Variants in EPC2 observed in about 807,000 individuals in gnomAD.
The protein encoded by EPC2 is enhancer of polycomb homolog 2.
Under a neutral mutation model 92.1 loss-of-function variants are expected in EPC2, and 14 were observed. That is an observed-to-expected ratio of 0.15 (90% confidence interval 0.10 to 0.24). The LOEUF is 0.24. EPC2 is among the 10% of genes least tolerant of loss of function. The probability of loss-of-function intolerance (pLI) is 1.00; values close to 1 mark genes in which losing one functional copy is unlikely to be tolerated. For synonymous variants in EPC2, 340 were observed against 334.7 expected (o/e 1.02, Z -0.17); for missense variants, 755 against 971.5 (o/e 0.78, Z 2.96).
intron 2 of EPC2, among the ~76,000 whole-genome samples, chr2:148,731,357 C>T (rs1682623984): frequency 6.6e-6 from 1 of 152,126 alleles, no homozygotes; most frequent in Non-Finnish European, 1.5e-5. Context: ...TAGTTGCCTG[C>T]TATCAAGAGG....
At chr2:148,683,202 C>G (rs977277281) in intron 1 of EPC2, among the ~76,000 whole-genome samples, 3 of 151,804 alleles carry the variant, frequency 2.0e-5, no homozygotes, top group African/African-American at 7.3e-5. Flanking sequence ...TACACTGTAC[C>G]CAGTGTCTAG....
rs71411354 is a variant in EPC2, at chr2:148,656,024, TG to T, written c.153+10868del. ...AGCTGTGTGTGTGTGTGTGTGTGTG[TG>T]GGGGGGGGGGGGGTTATTCTAGAAA... is the stretch of plus-strand genomic sequence containing the variant. On this transcript the variant is annotated intron_variant, in intron 1 of 13. Coordinates refer to ENST00000258484, the MANE Select transcript of EPC2 (RefSeq NM_015630.4). Among the ~76,000 whole-genome samples the T allele has an allele frequency of 2.8e-3, 314 of 111,708 alleles. 3 individuals are homozygous for T. The highest frequency in any genetic ancestry group is 0.011 in the African/African-American group (266 of 24,828). 73.3% of individuals were successfully genotyped at this position (111,708 alleles called of 152,430 possible). A position where few individuals can be genotyped will look rare whatever the true frequency, so the allele number is the denominator to read the frequency against.
rs769508718 is a variant in EPC2, at chr2:148,771,031, T to C, written c.1377-13T>C. On this transcript the variant is annotated splice_polypyrimidine_tract_variant and intron_variant, in intron 9 of 13. Transcript: ENST00000258484. The stretch of plus-strand genomic sequence containing the variant: ...CTCTCTCAGTTAATATTTGGTTTTA[T>C]TTTGCTTTTCAGGGTCATAATGGAC... 160 of 1,593,848 alleles carry C rather than the reference T, an allele frequency of 1.0e-4. 1 individual carries two copies. In the Admixed American group the frequency reaches 2.8e-3, roughly 28 times the overall value.
At chr2:148,753,439 G>A (rs1342035385) in intron 3 of EPC2, among the ~76,000 whole-genome samples, 2 of 152,114 alleles carry the variant, frequency 1.3e-5, no homozygotes, top group African/African-American at 2.4e-5. Flanking sequence ...AATCAATTCC[G>A]AAAGAGGTAT....
chr2:148,720,622 T>C (rs1288311042), intron 2 of EPC2, among the ~76,000 whole-genome samples: 1 of 152,202 alleles, frequency 6.6e-6, no homozygotes, highest in Non-Finnish European at 1.5e-5. Context: ...AAGGCCCTGG[T>C]GGCGTGGACT....
chr2:148,685,841 T>A (rs1004153335), intron 1 of EPC2, among the ~76,000 whole-genome samples: 4 of 152,272 alleles, frequency 2.6e-5, no homozygotes, highest in African/African-American at 9.6e-5. Context: ...TAGCACTGTG[T>A]CTAAAATATA....
At chr2:148,674,702 A>G (rs1399356701) in intron 1 of EPC2, among the ~76,000 whole-genome samples, 1 of 152,124 alleles carries the variant, frequency 6.6e-6, no homozygotes, top group Non-Finnish European at 1.5e-5. Context: ...TTCTCCCAGT[A>G]GTGTTGATGT....
chr2:148,762,690 G>A lies in EPC2; in HGVS notation c.836G>A (p.Gly279Asp), dbSNP rs778614073. Residue 279 changes from glycine to aspartate, a missense_variant, in exon 6 of 14, where the codon GGT becomes GAT. Coordinates refer to ENST00000258484, the MANE Select transcript of EPC2 (RefSeq NM_015630.4). ...TCAAGATACCATTTGGGAGACTATGGTGGTGAAATCCTTAATGAAGTAAAA... is the reference window on the plus strand; with the variant it reads ...TCAAGATACCATTTGGGAGACTATGATGGTGAAATCCTTAATGAAGTAAAA... ...VEKRYHLGDY[G>D]GEILNEVKIS... 1.8e-5 allele frequency: 29 copies of A among 1,604,838 alleles called. No individual in the cohort carries two copies. The highest frequency in any genetic ancestry group is 2.5e-5 in the Non-Finnish European group (29 of 1,175,414).
chr2:148,734,188 G>C (rs868347510), intron 2 of EPC2, among the ~76,000 whole-genome samples: 1 of 151,602 alleles, frequency 6.6e-6, no homozygotes, highest in African/African-American at 2.4e-5. Context: ...TGTTATCCCC[G>C]TCTTTTTTTT....
chr2:148,776,856 C>CTCTTTTT lies in EPC2; in HGVS notation c.1721-4787_1721-4786insCTTTTTT, dbSNP rs1247135854. Among the ~76,000 whole-genome samples the CTCTTTTT allele has an allele frequency of 1.2e-4, 12 of 101,026 alleles. No individual in the cohort carries two copies. The East Asian group carries it at 3.1e-3, about 26-fold the overall frequency. The allele number at this position is 101,026 out of a possible 152,430, so 66.3% of individuals were successfully genotyped here. On this transcript the variant is annotated intron_variant, in intron 10 of 13. Transcript: ENST00000258484. ...ACATAGCAAGACCCTGTCTCTCTCT[C>CTCTTTTT]TTTTTTTTTTTTTTTTTTTTTTGAG...
At chr2:148,694,979 G>A (rs535751495) in intron 2 of EPC2, among the ~76,000 whole-genome samples, 25 of 152,278 alleles carry the variant, frequency 1.6e-4, no homozygotes, top group African/African-American at 5.8e-4. Context: ...CACCATGTTG[G>A]CCAGGCTTAT....
chr2:148,779,263 A>G (rs1214409721), intron 10 of EPC2, among the ~76,000 whole-genome samples: 1 of 152,196 alleles, frequency 6.6e-6, no homozygotes, highest in East Asian at 1.9e-4. Context: ...ACCAACCCAA[A>G]AAATATTTTT....
intron 1 of EPC2, among the ~76,000 whole-genome samples, chr2:148,675,006 G>A (rs1218964488): frequency 6.6e-6 from 1 of 152,080 alleles, no homozygotes; most frequent in Non-Finnish European, 1.5e-5. Flanking sequence ...TTGTTCTTTA[G>A]GAACTCTACA....
intron 1 of EPC2, among the ~76,000 whole-genome samples, chr2:148,653,427 A>C (rs1413691033): frequency 6.6e-6 from 1 of 152,218 alleles, no homozygotes; most frequent in East Asian, 1.9e-4. Flanking sequence ...CTTAAAGTTG[A>C]TCATCGATTA....
At chr2:148,774,962 G>A (rs1224267219) in intron 10 of EPC2, among the ~76,000 whole-genome samples, 3 of 151,600 alleles carry the variant, frequency 2.0e-5, no homozygotes, top group East Asian at 1.9e-4. Context: ...GGTGGTGGGC[G>A]CCTGTAGTCC....
At chr2:148,648,713 C>T (rs1258758263) in intron 1 of EPC2, among the ~76,000 whole-genome samples, 1 of 152,022 alleles carries the variant, frequency 6.6e-6, no homozygotes, top group African/African-American at 2.4e-5. Flanking sequence ...CATTAGACTT[C>T]GTTTATATAA....
intron 8 of EPC2, 81 bp downstream of exon 8, chr2:148,769,321 C>T: frequency 1.0e-6 from 1 of 966,238 alleles, no homozygotes. Context: ...TAGTCTTGAT[C>T]TAAAAATGGG....
At chr2:148,761,068 C>G (rs560914215) in intron 4 of EPC2, among the ~76,000 whole-genome samples, 1 of 152,302 alleles carries the variant, frequency 6.6e-6, no homozygotes, top group East Asian at 1.9e-4. Context: ...CAAATAGATG[C>G]TACTAATTAC....
At chr2:148,654,386 T>C (rs1663580019) in intron 1 of EPC2, among the ~76,000 whole-genome samples, 1 of 152,228 alleles carries the variant, frequency 6.6e-6, no homozygotes, top group Admixed American at 6.5e-5. Flanking sequence ...CCATACATTA[T>C]TCTGTGATAG....
Sources: gnomAD v4.1 joint callset for allele counts (sites outside exome capture counted in the v4.1 genomes callset) on GRCh38, gnomAD v4.1.1 for gene constraint, MANE v1.5 for transcripts, NCBI Gene and HGNC (gene_info 2026-07-23, HGNC 2026-07-21) for gene names.